The following COQ6 variants were observed in gnomAD, a reference collection of about 807,000 sequenced individuals.
The protein encoded by COQ6 is ubiquinone biosynthesis monooxygenase COQ6, mitochondrial.
In COQ6, 45 loss-of-function variants were observed where a neutral mutation model predicts 55.5. That is an observed-to-expected ratio of 0.81 (90% CI 0.64 to 1.04). The LOEUF is 1.04. Ranked by LOEUF, COQ6 falls within the 50% of genes least tolerant of loss-of-function variation. COQ6 has a pLI of 0.00. For synonymous variants in COQ6, 206 were observed against 230.5 expected (o/e 0.89, Z 0.96); for missense variants, 550 against 601.3 (o/e 0.91, Z 0.89).
chr14:73,961,183 C>T lies in COQ6; in HGVS notation c.902C>T (p.Ala301Val). 6.2e-7 allele frequency: 1 copy of T among 1,613,640 alleles called. No individual in the cohort carries two copies. The highest frequency in any genetic ancestry group is 8.5e-7 in the Non-Finnish European group (1 of 1,179,862). The change falls in exon 9 of 12, where the codon GCT (alanine) becomes GTT (valine). Residue 301 changes from alanine (A) to valine (V), a missense_variant. By Grantham distance (64) the Ala-to-Val change is moderately conservative. Transcript: ENST00000334571. ...GCTGATGCTGCTCAGTGGAGTGATG[C>T]TGACCACACGGACTTCATCGACACA... is the stretch of plus-strand genomic sequence containing the variant. Reference protein sequence around the residue: ...DAVNSAFWSDADHTDFIDTAG... With the variant: ...DAVNSAFWSDVDHTDFIDTAG...
chr14:73,953,821 ATGT>A lies in COQ6; in HGVS notation c.298+256_298+258del, dbSNP rs143983947. On this transcript the variant is annotated intron_variant, in intron 2 of 11. Transcript: ENST00000334571. ...GTCCATCATGTTGACTTCACTTGTG[ATGT>A]TGTGTCATTATGAATTGGTGGAACT... The A allele has an allele frequency of 0.054, 30,546 of 568,578 alleles. 1,305 individuals are homozygous for A. The highest frequency in any genetic ancestry group is 0.17 in the Admixed American group (5,549 of 33,244). 35.2% of individuals were successfully genotyped at this position (568,578 alleles called of 1,614,324 possible). A position where few individuals can be genotyped will look rare whatever the true frequency, so the allele number is the denominator to read the frequency against.
intron 2 of COQ6, 125 bp downstream of exon 2, chr14:73,953,694 G>A: frequency 1.5e-6 from 2 of 1,300,766 alleles, no homozygotes; most frequent in Non-Finnish European, 2.2e-6. Flanking sequence ...GGTGGAGAGA[G>A]GGGGTGGGAT....
In COQ6 at chr14:73,950,449, G is replaced by A. The variant is rs370003158; in HGVS notation, c.117G>A (p.Val39=). Residue 39 remains valine (V), a synonymous_variant, in exon 1 of 12, where the codon GTG becomes GTA. Transcript: ENST00000334571. ...GASTDTVYDV[V]VSGGGLVGAA... is the part of the protein sequence containing the mutation. Reference sequence around the variant, plus strand: ...CAACAGACACCGTGTATGACGTGGTGGTGTCGGGTGGAGGCCTGGTGGGCG... The same window carrying A: ...CAACAGACACCGTGTATGACGTGGTAGTGTCGGGTGGAGGCCTGGTGGGCG... 2 of 1,609,738 alleles carry A rather than the reference G, an allele frequency of 1.2e-6. No homozygotes were observed. Among genetic ancestry groups the A allele is most frequent in the Non-Finnish European group, 1.7e-6 (2 of 1,178,514 alleles).
intron 1 of COQ6, 172 bp downstream of exon 1, chr14:73,950,667 A>C: frequency 1.1e-6 from 1 of 949,792 alleles, no homozygotes; most frequent in Non-Finnish European, 1.5e-6. Flanking sequence ...GTGGTCCTTC[A>C]GGGTCCATTA....
Position 73,962,957 on chromosome 14 carries a change from A to AT in COQ6, c.1378-7dup. 3.1e-6 allele frequency: 5 copies of AT among 1,598,984 alleles called. No individual in the cohort carries two copies. The highest frequency in any genetic ancestry group is 4.3e-6 in the Non-Finnish European group (5 of 1,166,356). ...TGTGTTAAGAGTTTCATTCACTTTT[A>AT]TTTTTTCTCCAGGAACAGATTATGG... On this transcript the variant is annotated splice_polypyrimidine_tract_variant and intron_variant, in intron 11 of 11. Coordinates refer to ENST00000334571, the MANE Select transcript of COQ6 (RefSeq NM_182476.3).
upstream of COQ6, chr14:73,950,095 G>A (rs763054612): frequency 1.2e-6 from 2 of 1,604,462 alleles, no homozygotes; most frequent in Non-Finnish European, 1.7e-6. Context: ...CGAGAGCTAT[G>A]CGGGGCCAGG....
At chr14:73,962,007 G>C in intron 11 of COQ6, 104 bp downstream of exon 11, 1 of 1,351,488 alleles carries the variant, frequency 7.4e-7, no homozygotes, top group Non-Finnish European at 1.0e-6. Flanking sequence ...GAGTGCAGTG[G>C]CACAATTTCC....
At chr14:73,955,243 G>A (rs2056379641) in intron 2 of COQ6, 6 of 609,804 alleles carry the variant, frequency 9.8e-6, no homozygotes, top group South Asian at 3.9e-5. Context: ...ATGAGCCACC[G>A]CGCCCGGCAG....
At position 73,959,022 on chromosome 14, in the gene COQ6, A is replaced by T. The variant is rs925507425; in HGVS notation, c.664A>T (p.Asn222Tyr). ...AGTACGGCAGGCTGTTGGAATCCAG[A>T]ATGTGAGCTGGAACTATGACCAGTC... ...SGVRQAVGIQ[N>Y]VSWNYDQSAV... Residue 222 changes from asparagine to tyrosine, a missense_variant, in exon 6 of 12, where the codon AAT becomes TAT. Transcript: ENST00000334571. 1.9e-6 allele frequency: 3 copies of T among 1,614,056 alleles called. No individual in the cohort carries two copies. The highest frequency in any genetic ancestry group is 2.5e-6 in the Non-Finnish European group (3 of 1,180,032).
At chr14:73,954,247 C>T (rs776510876) in intron 2 of COQ6, among the ~76,000 whole-genome samples, 56 of 152,286 alleles carry the variant, frequency 3.7e-4, no homozygotes, top group Admixed American at 6.5e-4. Flanking sequence ...GGCACATAGT[C>T]GGTGCTCAGT....
At chr14:73,951,770 G>T (rs1276242715) in intron 1 of COQ6, among the ~76,000 whole-genome samples, 1 of 150,924 alleles carries the variant, frequency 6.6e-6, no homozygotes, top group Non-Finnish European at 1.5e-5. Flanking sequence ...CTGATCTAAG[G>T]GCAGCTGTTC....
In COQ6 at chr14:73,961,311, GT is replaced by G. The variant is rs1208100081; in HGVS notation, c.1032del (p.Leu345CysfsTer59). ...AGCCAGGGTGGATGCCAAAAGCCGA[GT>G]TCTGTTTCCTCTTGGGTTGGGACAT... Reference protein sequence around the residue: ...SVARVDAKSRVLFPLGLGHAA... With the variant: ...SVARVDAKSRXLFPLGLGHAA... On this transcript the variant is annotated frameshift_variant, in exon 9 of 12. Coordinates refer to ENST00000334571, the MANE Select transcript of COQ6 (RefSeq NM_182476.3). LOFTEE classifies it high-confidence loss of function. 1 of 1,614,216 alleles carries G rather than the reference GT, an allele frequency of 6.2e-7. No homozygotes were observed. Among genetic ancestry groups the G allele is most frequent in the Non-Finnish European group, 8.5e-7 (1 of 1,180,036 alleles).
At chr14:73,958,524 C>T in intron 5 of COQ6, 1 of 1,337,928 alleles carries the variant, frequency 7.5e-7, no homozygotes. Flanking sequence ...GGACAGGCAC[C>T]AGAGTGTTGG....
chr14:73,959,523 G>T lies in COQ6; in HGVS notation c.891+1G>T. ...TGTGGATGCCGTTAACTCTGCCTTTGTGAGTATCAATTTACCCAGCTGATG... is the reference window on the plus strand; with the variant it reads ...TGTGGATGCCGTTAACTCTGCCTTTTTGAGTATCAATTTACCCAGCTGATG... On this transcript the variant is annotated splice_donor_variant, in intron 8 of 11. Coordinates refer to ENST00000334571, the MANE Select transcript of COQ6 (RefSeq NM_182476.3). LOFTEE classifies it high-confidence loss of function. 1 of 1,614,078 alleles carries T rather than the reference G, an allele frequency of 6.2e-7. No homozygotes were observed. The highest frequency in any genetic ancestry group is 8.5e-7 in the Non-Finnish European group (1 of 1,180,034).
chr14:73,960,468 A>G (rs1231810804), intron 8 of COQ6: 1 of 992,576 alleles, frequency 1.0e-6, no homozygotes, highest in Non-Finnish European at 1.2e-6. Context: ...GCTCTGTAGT[A>G]GCAACAAGAA....
At chr14:73,958,660 T>G (rs183469439) in intron 5 of COQ6, 1 of 1,309,592 alleles carries the variant, frequency 7.6e-7, no homozygotes, top group East Asian at 3.7e-5. Context: ...ACATCAGAAC[T>G]ATTCAGCTCC....
chr14:73,952,429 CTTTT>C (rs1432311450), intron 1 of COQ6, among the ~76,000 whole-genome samples: 2 of 151,800 alleles, frequency 1.3e-5, no homozygotes, highest in Admixed American at 6.6e-5. Flanking sequence ...ACCTTTCTTT[CTTTT>C]CTTTTCTTTT....
In COQ6 at chr14:73,951,039, C is replaced by G. The variant is rs1488931913; in HGVS notation, c.163+544C>G. 2.0e-5 allele frequency among the ~76,000 whole-genome samples: 3 copies of G among 152,218 alleles called. No individual in the cohort carries two copies. In the East Asian group the frequency reaches 5.8e-4, roughly 29 times the overall value. On this transcript the variant is annotated intron_variant, in intron 1 of 11. Transcript: ENST00000334571. The stretch of plus-strand genomic sequence containing the variant: ...TTGAGACAGGGTCTTCCGCTGTGCC[C>G]AGGCTGCAGTGCAGTGGCACGATCA...
rs1409866473 is a variant in COQ6, at chr14:73,963,313, A to AATT, written c.*315_*317dup. On this transcript the variant is annotated 3_prime_UTR_variant, in exon 12 of 12. Transcript: ENST00000334571. ...TCCAGTTAATCATTTCTAAAGAGAAAATTTACATTTTGTTTTTGTTTTAAT... is the reference window on the plus strand; with the variant it reads ...TCCAGTTAATCATTTCTAAAGAGAAAATTATTTACATTTTGTTTTTGTTTTAAT... 4.4e-6 allele frequency: 2 copies of AATT among 453,866 alleles called. No homozygotes were observed. The highest frequency in any genetic ancestry group is 4.0e-5 in the African/African-American group (2 of 49,896). The allele number at this position is 453,866 out of a possible 1,614,324, so 28.1% of individuals were successfully genotyped here.
Sources: gnomAD v4.1 joint callset for allele counts (sites outside exome capture counted in the v4.1 genomes callset) on GRCh38, gnomAD v4.1.1 for gene constraint, MANE v1.5 for transcripts, NCBI Gene and HGNC (gene_info 2026-07-23, HGNC 2026-07-21) for gene names.